SEMA5A: variants seen among roughly 807,000 people sequenced by gnomAD.
The protein encoded by SEMA5A is semaphorin 5A, also known as semaphorin-5A.
A neutral mutation model predicts 135.5 loss-of-function variants in SEMA5A; 55 were observed. The ratio of observed to expected loss-of-function variants is 0.41; its 90% CI spans 0.33 to 0.51. SEMA5A has a LOEUF of 0.51. Ranked by LOEUF, SEMA5A falls within the 20% of genes least tolerant of loss-of-function variation. The probability of loss-of-function intolerance (pLI) is 0.37; values close to 1 mark genes in which losing one functional copy is unlikely to be tolerated. For synonymous variants in SEMA5A, 580 were observed against 546.5 expected (o/e 1.06, Z -0.85); for missense variants, 1,290 against 1,419.9 (o/e 0.91, Z 1.47).
chr5:9,263,424 G>A (rs1422595669), intron 5 of SEMA5A, among the ~76,000 whole-genome samples: 1 of 152,200 alleles, frequency 6.6e-6, no homozygotes, highest in African/African-American at 2.4e-5. Flanking sequence ...GCGCACTGCA[G>A]TGAGGGATCT....
At chr5:9,195,263 C>T (rs184847659) in intron 10 of SEMA5A, among the ~76,000 whole-genome samples, 47 of 152,236 alleles carry the variant, frequency 3.1e-4, no homozygotes, top group Middle Eastern at 3.4e-3. Flanking sequence ...AACTCCTGGG[C>T]TCAAGCAGTC....
At chr5:9,269,853 C>A (rs533814606) in intron 5 of SEMA5A, among the ~76,000 whole-genome samples, 6 of 152,150 alleles carry the variant, frequency 3.9e-5, no homozygotes, top group African/African-American at 1.4e-4. Context: ...TATTAAATTC[C>A]GTATGACAAT....
chr5:9,210,976 T>C (rs1354231340), intron 8 of SEMA5A, among the ~76,000 whole-genome samples: 4 of 152,198 alleles, frequency 2.6e-5, no homozygotes, highest in Non-Finnish European at 4.4e-5. Context: ...CCCTCAAAGA[T>C]AATAAGATTA....
At chr5:9,188,198 C>T (rs1427669471) in intron 11 of SEMA5A, among the ~76,000 whole-genome samples, 1 of 152,162 alleles carries the variant, frequency 6.6e-6, no homozygotes, top group African/African-American at 2.4e-5. Context: ...GAGGACACAA[C>T]TAGCAGGCAG....
intron 5 of SEMA5A, among the ~76,000 whole-genome samples, chr5:9,241,340 G>A (rs112507561): frequency 6.6e-6 from 1 of 151,928 alleles, no homozygotes; most frequent in African/African-American, 2.4e-5. Flanking sequence ...CTATGTGACT[G>A]ACAGAAGGAA....
At chr5:9,505,488 T>C (rs915009860) in intron 1 of SEMA5A, among the ~76,000 whole-genome samples, 1 of 152,244 alleles carries the variant, frequency 6.6e-6, no homozygotes, top group Non-Finnish European at 1.5e-5. Context: ...TCTGCTAGAT[T>C]GTAGCCTCAT....
intron 3 of SEMA5A, chr5:9,363,406 C>A (rs926167576): frequency 7.0e-6 from 1 of 142,180 alleles, no homozygotes; most frequent in Non-Finnish European, 1.5e-5. Context: ...TGGCTGCTAC[C>A]CCCACCTCCT....
chr5:9,299,607 G>A (rs1046996888), intron 5 of SEMA5A, among the ~76,000 whole-genome samples: 21 of 152,270 alleles, frequency 1.4e-4, no homozygotes, highest in Non-Finnish European at 2.2e-4. Flanking sequence ...CCTTGCCAGC[G>A]TTGGGCTCAG....
At chr5:9,529,813 A>C (rs903887733) in intron 1 of SEMA5A, among the ~76,000 whole-genome samples, 2 of 152,208 alleles carry the variant, frequency 1.3e-5, no homozygotes, top group Non-Finnish European at 2.9e-5. Context: ...AGTGTGGAAT[A>C]AAAATCCTTT....
chr5:9,424,840 A>G (rs899301706), intron 2 of SEMA5A, among the ~76,000 whole-genome samples: 3 of 151,850 alleles, frequency 2.0e-5, no homozygotes, highest in Admixed American at 6.6e-5. Context: ...TACACTAACA[A>G]CCCTGTAGTC....
intron 8 of SEMA5A, among the ~76,000 whole-genome samples, chr5:9,203,375 T>C (rs1442171352): frequency 6.6e-6 from 1 of 152,234 alleles, no homozygotes; most frequent in East Asian, 1.9e-4. Context: ...CAATTGGCCT[T>C]GTACCTTTCC....
Position 9,226,975 on chromosome 5 carries a change from A to T in SEMA5A, c.334-8T>A. ...GTAGTTCTGACATTCCTCCTGAGGGAAAATAAATAAATTAATTAAAAATAT... is the reference window on the plus strand; with the variant it reads ...GTAGTTCTGACATTCCTCCTGAGGGTAAATAAATAAATTAATTAAAAATAT... On this transcript the variant is annotated splice_polypyrimidine_tract_variant and splice_region_variant and intron_variant, in intron 6 of 22. Transcript: ENST00000382496. 1 of 1,437,962 alleles carries T rather than the reference A, an allele frequency of 7.0e-7. No homozygotes were observed. Among genetic ancestry groups the T allele is most frequent in the Non-Finnish European group, 9.3e-7 (1 of 1,080,276 alleles). 89.1% of individuals were successfully genotyped at this position (1,437,962 alleles called of 1,614,324 possible). A position where few individuals can be genotyped will look rare whatever the true frequency, so the allele number is the denominator to read the frequency against.
At chr5:9,507,020 C>T (rs905725679) in intron 1 of SEMA5A, among the ~76,000 whole-genome samples, 3 of 152,164 alleles carry the variant, frequency 2.0e-5, no homozygotes, top group African/African-American at 7.2e-5. Context: ...CCTTGTAGAG[C>T]AATGTTTACT....
At chr5:9,221,587 C>T (rs1000148941) in intron 8 of SEMA5A, among the ~76,000 whole-genome samples, 6 of 152,146 alleles carry the variant, frequency 3.9e-5, no homozygotes, top group Non-Finnish European at 5.9e-5. Context: ...CAGGCGTGAG[C>T]CACCGCGCCT....
intron 1 of SEMA5A, among the ~76,000 whole-genome samples, chr5:9,524,555 A>T (rs965337849): frequency 6.6e-6 from 1 of 152,146 alleles, no homozygotes; most frequent in Non-Finnish European, 1.5e-5. Flanking sequence ...CTTTGAACCA[A>T]TCTGCTAACA....
intron 1 of SEMA5A, among the ~76,000 whole-genome samples, chr5:9,508,415 C>T (rs73038520): frequency 0.01 from 1,566 of 152,280 alleles, 23 homozygotes; most frequent in African/African-American, 0.036. Flanking sequence ...GGTCTCCTTG[C>T]GTCTGATCGC....
chr5:9,451,085 T>A (rs1425052525), intron 1 of SEMA5A, among the ~76,000 whole-genome samples: 2 of 152,198 alleles, frequency 1.3e-5, no homozygotes, highest in Non-Finnish European at 2.9e-5. Context: ...TGTTTGTGAT[T>A]TTTTTTCTAA....
chr5:9,284,996 A>G (rs571287978), intron 5 of SEMA5A, among the ~76,000 whole-genome samples: 3 of 152,202 alleles, frequency 2.0e-5, no homozygotes, highest in Admixed American at 6.5e-5. Context: ...CTTCCCAGCA[A>G]GAAAATTCTC....
At chr5:9,064,562 C>A (rs887911285) in intron 17 of SEMA5A, among the ~76,000 whole-genome samples, 1 of 151,934 alleles carries the variant, frequency 6.6e-6, no homozygotes, top group Admixed American at 6.6e-5. Context: ...CCAAACACTG[C>A]ATGTTCTCAC....
Sources: allele counts gnomAD v4.1 joint callset (sites outside exome capture counted in the v4.1 genomes callset), GRCh38; gene constraint gnomAD v4.1.1; transcripts MANE v1.5; gene names NCBI Gene and HGNC (gene_info 2026-07-23, HGNC 2026-07-21).